ADAM12: variants seen among roughly 807,000 people sequenced by gnomAD.
ADAM12 encodes the protein ADAM metallopeptidase domain 12.
In ADAM12, 70 loss-of-function variants were observed where a neutral mutation model predicts 106.4. The observed-to-expected ratio is 0.66, with a 90% confidence interval of 0.54 to 0.80. The LOEUF is 0.80. ADAM12 is among the 30% of genes least tolerant of loss of function. The pLI is 0.00. For missense variants in ADAM12, 1,010 were observed against 1,171.9 expected (o/e 0.86, Z 2.02); for synonymous variants, 420 against 433.5 (o/e 0.97, Z 0.39).
chr10:126,193,958 G>A (rs890398553), intron 3 of ADAM12, among the ~76,000 whole-genome samples: 3 of 140,422 alleles, frequency 2.1e-5, no homozygotes, highest in Non-Finnish European at 4.5e-5. Flanking sequence ...ATGTGAGAGA[G>A]GCCTGATATG....
chr10:126,261,573 C>T (rs1437514137), intron 3 of ADAM12, among the ~76,000 whole-genome samples: 3 of 152,048 alleles, frequency 2.0e-5, no homozygotes, highest in East Asian at 1.9e-4. Flanking sequence ...GGATTTAGGC[C>T]TTGTGAAGGG....
chr10:126,079,279 T>TC (rs1955164651), intron 11 of ADAM12, among the ~76,000 whole-genome samples: 1 of 151,710 alleles, frequency 6.6e-6, no homozygotes, highest in South Asian at 2.1e-4. Flanking sequence ...CTGCAGAACT[T>TC]CCCCCCACCC....
At chr10:126,277,648 TTTCTC>T (rs2133751105) in intron 3 of ADAM12, among the ~76,000 whole-genome samples, 1 of 152,322 alleles carries the variant, frequency 6.6e-6, no homozygotes, top group South Asian at 2.1e-4. Context: ...AATATACAGT[TTTCTC>T]TTCAGATTCC....
intron 1 of ADAM12, among the ~76,000 whole-genome samples, chr10:126,345,740 GT>G (rs1217787680): frequency 1.3e-5 from 2 of 152,160 alleles, no homozygotes; most frequent in African/African-American, 4.8e-5. Context: ...CTTCTTCCTG[GT>G]TTAGTCTTGG....
chr10:126,208,705 A>G (rs1034049140), intron 3 of ADAM12, among the ~76,000 whole-genome samples: 2 of 152,246 alleles, frequency 1.3e-5, no homozygotes, highest in African/African-American at 4.8e-5. Flanking sequence ...AAGACTGAGC[A>G]GAAACAGAAC....
At chr10:126,223,675 C>T (rs12218958) in intron 3 of ADAM12, among the ~76,000 whole-genome samples, 43,848 of 152,056 alleles carry the variant, frequency 0.29, 6,694 homozygotes, top group African/African-American at 0.39. Flanking sequence ...TGGTGTAGGA[C>T]GTGGGCCGAT....
chr10:126,290,611 C>T (rs1960104485), intron 2 of ADAM12, among the ~76,000 whole-genome samples: 1 of 152,202 alleles, frequency 6.6e-6, no homozygotes, highest in Non-Finnish European at 1.5e-5. Context: ...GATACCGTTT[C>T]ACTTATTATC....
At chr10:126,364,510 A>G (rs1215248651) in intron 1 of ADAM12, among the ~76,000 whole-genome samples, 1 of 152,198 alleles carries the variant, frequency 6.6e-6, no homozygotes, top group East Asian at 1.9e-4. Flanking sequence ...TACAAGATAT[A>G]TCATTACTAA....
intron 3 of ADAM12, among the ~76,000 whole-genome samples, chr10:126,249,825 G>A (rs1350285575): frequency 2.0e-5 from 3 of 152,152 alleles, no homozygotes; most frequent in Non-Finnish European, 2.9e-5. Flanking sequence ...AGTTCATCTA[G>A]CACTTTGTTA....
intron 18 of ADAM12, chr10:126,041,334 G>C: frequency 1.0e-6 from 1 of 985,820 alleles, no homozygotes; most frequent in Non-Finnish European, 1.2e-6. Flanking sequence ...GAACAGGGTG[G>C]AGGCAGCGGT....
At chr10:126,164,776 C>T (rs1480042112) in intron 3 of ADAM12, among the ~76,000 whole-genome samples, 7 of 152,184 alleles carry the variant, frequency 4.6e-5, no homozygotes, top group Admixed American at 3.9e-4. Context: ...TCTAGACTAG[C>T]TGGAATCATG....
chr10:126,157,612 C>A (rs542092830), intron 3 of ADAM12, among the ~76,000 whole-genome samples: 1 of 152,286 alleles, frequency 6.6e-6, no homozygotes, highest in African/African-American at 2.4e-5. Flanking sequence ...AGAGAGTGTG[C>A]GGAAAACATA....
chr10:126,026,855 G>A (rs1357651932), intron 21 of ADAM12, among the ~76,000 whole-genome samples: 1 of 151,426 alleles, frequency 6.6e-6, no homozygotes, highest in African/African-American at 2.4e-5. Context: ...TAACATCACA[G>A]CTAAAAGAAC....
chr10:126,185,215 GAAGA>G (rs1397255223), intron 3 of ADAM12, among the ~76,000 whole-genome samples: 1 of 152,212 alleles, frequency 6.6e-6, no homozygotes, highest in East Asian at 1.9e-4. Flanking sequence ...TGAGGTCCAT[GAAGA>G]AAGAAAGACG....
chr10:126,211,037 C>T (rs2133836513), intron 3 of ADAM12, among the ~76,000 whole-genome samples: 1 of 152,234 alleles, frequency 6.6e-6, no homozygotes, highest in African/African-American at 2.4e-5. Flanking sequence ...CACTCAGGCA[C>T]CTTACACTGT....
chr10:126,165,192 G>A (rs1192165658), intron 3 of ADAM12, among the ~76,000 whole-genome samples: 2 of 151,742 alleles, frequency 1.3e-5, no homozygotes, highest in Non-Finnish European at 2.9e-5. Context: ...TTTTGAGACT[G>A]AGTCTCTCTC....
intron 5 of ADAM12, among the ~76,000 whole-genome samples, chr10:126,132,535 C>G (rs975803416): frequency 1.6e-5 from 2 of 123,670 alleles, no homozygotes; most frequent in Non-Finnish European, 3.5e-5. Context: ...CCCCCCCCCC[C>G]TCAACTAGTC....
intron 3 of ADAM12, among the ~76,000 whole-genome samples, chr10:126,189,619 T>C (rs1357660730): frequency 6.6e-6 from 1 of 152,188 alleles, no homozygotes; most frequent in Non-Finnish European, 1.5e-5. Context: ...TAGATACTGT[T>C]GTGATTCCCA....
At chr10:126,107,383 C>G (rs1955793437) in intron 8 of ADAM12, among the ~76,000 whole-genome samples, 1 of 152,224 alleles carries the variant, frequency 6.6e-6, no homozygotes, top group Non-Finnish European at 1.5e-5. Flanking sequence ...TTGACGTTCT[C>G]AAGTGGAGGG....
Sources: gnomAD v4.1 joint callset for allele counts (sites outside exome capture counted in the v4.1 genomes callset) on GRCh38, gnomAD v4.1.1 for gene constraint, MANE v1.5 for transcripts, NCBI Gene and HGNC (gene_info 2026-07-23, HGNC 2026-07-21) for gene names.